The following DLG2 variants were observed in gnomAD, a reference collection of about 807,000 sequenced individuals.
DLG2 encodes the protein discs large MAGUK scaffold protein 2.
Under a neutral mutation model 132.5 loss-of-function variants are expected in DLG2, and 45 were observed. The observed-to-expected ratio is 0.34, with a 90% CI of 0.27 to 0.44. The LOEUF is 0.44. Among genes scored for constraint, DLG2 ranks in the 20% least tolerant of loss-of-function variants. The probability of loss-of-function intolerance (pLI) is 1.00; values close to 1 mark genes in which losing one functional copy is unlikely to be tolerated. For synonymous variants in DLG2, 424 were observed against 419.6 expected, an observed-to-expected ratio of 1.01 and a Z score of -0.13; for missense variants, 1,045 against 1,196.9, an observed-to-expected ratio of 0.87 and a Z score of 1.87.
At chr11:84,751,290 T>C (rs1186118120) in intron 6 of DLG2, among the ~76,000 whole-genome samples, 2 of 152,094 alleles carry the variant, frequency 1.3e-5, no homozygotes, top group African/African-American at 4.8e-5. Context: ...TCTCACTTAA[T>C]CCTCAAAAGA....
At chr11:85,548,148 G>A (rs767688773) in intron 3 of DLG2, among the ~76,000 whole-genome samples, 12 of 152,040 alleles carry the variant, frequency 7.9e-5, no homozygotes, top group Admixed American at 2.0e-4. Flanking sequence ...CTTTGAAGTC[G>A]GTGATCTTTG....
At chr11:83,539,755 G>A (rs897039941) in intron 20 of DLG2, among the ~76,000 whole-genome samples, 7 of 151,924 alleles carry the variant, frequency 4.6e-5, no homozygotes, top group African/African-American at 1.7e-4. Context: ...TTATTTTCCA[G>A]GTCAGCTATA....
intron 3 of DLG2, among the ~76,000 whole-genome samples, chr11:85,430,645 A>C (rs77681355): frequency 0.035 from 5,332 of 152,254 alleles, 146 homozygotes; most frequent in Admixed American, 0.051. Flanking sequence ...TTGGTAGCTC[A>C]GATTTGACCT....
intron 6 of DLG2, among the ~76,000 whole-genome samples, chr11:84,885,185 G>A (rs142501598): frequency 1.3e-5 from 2 of 152,212 alleles, no homozygotes; most frequent in East Asian, 3.9e-4. Flanking sequence ...CCTGGCAAAG[G>A]TTGTTTGCAT....
intron 11 of DLG2, among the ~76,000 whole-genome samples, chr11:84,018,367 G>C (rs1324931621): frequency 6.6e-6 from 1 of 151,838 alleles, no homozygotes; most frequent in Admixed American, 6.6e-5. Flanking sequence ...ATTATCTTGA[G>C]AACTGGGTAA....
rs186083928 is a variant in DLG2 at position 85,185,477 on chromosome 11, T to C, written c.187-30826A>G. 3.0e-4 allele frequency among the ~76,000 whole-genome samples: 45 copies of C among 152,148 alleles called. 1 individual carries two copies. The South Asian group carries it at 4.1e-3, about 14-fold the overall frequency. On this transcript the variant is annotated intron_variant, in intron 4 of 27. Coordinates refer to ENST00000376104, the MANE Select transcript of DLG2 (RefSeq NM_001142699.3). ...GGTTGTTTTGGACTAAATGTTCTAA[T>C]GGCATCTGCAGTTTCTACAGAACTT...
intron 3 of DLG2, among the ~76,000 whole-genome samples, chr11:85,290,788 T>C (rs1405862018): frequency 6.6e-6 from 1 of 152,058 alleles, no homozygotes; most frequent in Non-Finnish European, 1.5e-5. Context: ...GTCCAATCTC[T>C]CTCTCTTTTA....
chr11:84,070,941 C>G (rs547331176), intron 10 of DLG2, among the ~76,000 whole-genome samples: 1 of 152,156 alleles, frequency 6.6e-6, no homozygotes, highest in African/African-American at 2.4e-5. Flanking sequence ...CATAGACAAC[C>G]CTTTACTTCA....
intron 4 of DLG2, among the ~76,000 whole-genome samples, chr11:85,278,966 G>C (rs1246745601): frequency 6.6e-6 from 1 of 152,146 alleles, no homozygotes; most frequent in Non-Finnish European, 1.5e-5. Context: ...AATCAAGTTA[G>C]AGAAGTTATA....
At chr11:83,582,184 G>A (rs914734316) in intron 19 of DLG2, among the ~76,000 whole-genome samples, 4 of 151,868 alleles carry the variant, frequency 2.6e-5, no homozygotes, top group Non-Finnish European at 5.9e-5. Flanking sequence ...TCAAACTCCC[G>A]ACCTCAGATG....
intron 7 of DLG2, among the ~76,000 whole-genome samples, chr11:84,533,315 C>T (rs1244151137): frequency 6.6e-6 from 1 of 152,136 alleles, no homozygotes; most frequent in Non-Finnish European, 1.5e-5. Flanking sequence ...AGGTTTAGTC[C>T]CATGTCCCCC....
intron 6 of DLG2, among the ~76,000 whole-genome samples, chr11:85,025,290 A>G (rs1381159655): frequency 6.6e-6 from 1 of 152,224 alleles, no homozygotes; most frequent in Non-Finnish European, 1.5e-5. Flanking sequence ...TTGATGCTTC[A>G]ATTCAGAATG....
At chr11:83,923,278 T>G (rs138626605) in intron 15 of DLG2, among the ~76,000 whole-genome samples, 35 of 152,266 alleles carry the variant, frequency 2.3e-4, no homozygotes, top group African/African-American at 8.4e-4. Flanking sequence ...GGATGAAAAT[T>G]CATTTGCTCA....
intron 6 of DLG2, among the ~76,000 whole-genome samples, chr11:84,816,261 G>C (rs995518015): frequency 7.9e-5 from 12 of 152,006 alleles, no homozygotes; most frequent in Non-Finnish European, 1.2e-4. Flanking sequence ...CAGAGGAGCA[G>C]AGAAAAGAAA....
At chr11:84,090,783 A>T (rs2097079130) in intron 10 of DLG2, among the ~76,000 whole-genome samples, 1 of 152,248 alleles carries the variant, frequency 6.6e-6, no homozygotes, top group Non-Finnish European at 1.5e-5. Flanking sequence ...ATACTAAGGA[A>T]ATAATGAGGT....
chr11:84,462,100 C>T (rs1319510478), intron 7 of DLG2, among the ~76,000 whole-genome samples: 1 of 150,810 alleles, frequency 6.6e-6, no homozygotes, highest in Non-Finnish European at 1.5e-5. Context: ...ACTAAATGAT[C>T]CCACGAGTCC....
chr11:84,833,790 A>C (rs1273364032), intron 6 of DLG2, among the ~76,000 whole-genome samples: 1 of 151,708 alleles, frequency 6.6e-6, no homozygotes, highest in Non-Finnish European at 1.5e-5. Context: ...AAAGGCAATA[A>C]AAACTATTGT....
chr11:83,611,306 G>T (rs1289161452), intron 19 of DLG2, among the ~76,000 whole-genome samples: 2 of 151,996 alleles, frequency 1.3e-5, no homozygotes. Flanking sequence ...GAGAGAGAGA[G>T]ACAGAGAGAG....
At chr11:85,492,842 G>C (rs2093592482) in intron 3 of DLG2, among the ~76,000 whole-genome samples, 1 of 152,086 alleles carries the variant, frequency 6.6e-6, no homozygotes, top group South Asian at 2.1e-4. Flanking sequence ...AATGACGGTT[G>C]ATAGGGAGAA....
Sources: gnomAD v4.1 joint callset for allele counts (sites outside exome capture counted in the v4.1 genomes callset) on GRCh38, gnomAD v4.1.1 for gene constraint, MANE v1.5 for transcripts, NCBI Gene and HGNC (gene_info 2026-07-23, HGNC 2026-07-21) for gene names.